BRINP3: variants seen among roughly 807,000 people sequenced by gnomAD.
BRINP3 encodes the protein BMP/retinoic acid inducible neural specific 3.
BRINP3 carries 19 observed loss-of-function variants against 71.0 expected under a neutral mutation model. The ratio of observed to expected loss-of-function variants is 0.27; its 90% CI spans 0.19 to 0.39. The LOEUF is 0.39. BRINP3 is among the 10% of genes least tolerant of loss of function. The pLI is 1.00. For synonymous variants in BRINP3, 380 were observed against 337.7 expected (o/e 1.13, Z -1.37); for missense variants, 959 against 940.8 (o/e 1.02, Z -0.25).
intron 6 of BRINP3, among the ~76,000 whole-genome samples, chr1:190,178,044 A>AT (rs573793670): frequency 1.2e-4 from 19 of 152,302 alleles, no homozygotes; most frequent in African/African-American, 4.3e-4. Context: ...ATATGCAAAT[A>AT]TTATGCCATT....
intron 2 of BRINP3, among the ~76,000 whole-genome samples, chr1:190,370,188 C>G (rs746281554): frequency 3.3e-5 from 5 of 152,102 alleles, no homozygotes; most frequent in Non-Finnish European, 7.4e-5. Context: ...TACACAAGCA[C>G]AATTTTGTAA....
chr1:190,239,504 T>C (rs552997255), intron 4 of BRINP3, among the ~76,000 whole-genome samples: 38 of 152,178 alleles, frequency 2.5e-4, no homozygotes, highest in Non-Finnish European at 4.9e-4. Context: ...CCTTTCGATA[T>C]AGAAATGAGG....
intron 6 of BRINP3, among the ~76,000 whole-genome samples, chr1:190,210,584 A>C (rs1488554925): frequency 6.6e-6 from 1 of 152,132 alleles, no homozygotes; most frequent in African/African-American, 2.4e-5. Flanking sequence ...CTTATTATGA[A>C]GACTATGGCA....
chr1:190,448,703 A>G (rs1182723041), intron 2 of BRINP3, among the ~76,000 whole-genome samples: 2 of 151,860 alleles, frequency 1.3e-5, no homozygotes, highest in African/African-American at 4.8e-5. Context: ...ATTCAAAGAA[A>G]TTTTTAAGTC....
At chr1:190,377,324 G>C (rs939630915) in intron 2 of BRINP3, among the ~76,000 whole-genome samples, 1 of 151,642 alleles carries the variant, frequency 6.6e-6, no homozygotes, top group African/African-American at 2.4e-5. Context: ...TTTTCCAGAC[G>C]GCAATAAAAC....
intron 1 of BRINP3, among the ~76,000 whole-genome samples, chr1:190,476,251 TAA>T (rs58413136): frequency 1.4e-5 from 2 of 142,226 alleles, no homozygotes; most frequent in South Asian, 2.2e-4. Context: ...TCCCAGAAAT[TAA>T]AAAAAAAAAA....
chr1:190,158,041 T>TTA (rs1657017145), intron 7 of BRINP3, among the ~76,000 whole-genome samples: 1 of 152,116 alleles, frequency 6.6e-6, no homozygotes, highest in African/African-American at 2.4e-5. Flanking sequence ...GTGTACTTAT[T>TTA]TATAAGTGGG....
intron 4 of BRINP3, among the ~76,000 whole-genome samples, chr1:190,262,913 A>G (rs553271469): frequency 2.6e-4 from 39 of 151,924 alleles, no homozygotes; most frequent in South Asian, 8.3e-4. Flanking sequence ...GTGTGTGTGT[A>G]TATATATATA....
chr1:190,334,819 T>A (rs1343252244), intron 2 of BRINP3, among the ~76,000 whole-genome samples: 2 of 151,706 alleles, frequency 1.3e-5, no homozygotes, highest in Non-Finnish European at 2.9e-5. Context: ...TGAACTGATA[T>A]TTGATTTCCT....
intron 2 of BRINP3, among the ~76,000 whole-genome samples, chr1:190,393,460 T>C (rs116374202): frequency 5.7e-4 from 86 of 151,698 alleles, no homozygotes; most frequent in African/African-American, 1.9e-3. Context: ...AAGCTTTTCA[T>C]CATACACATG....
intron 1 of BRINP3, among the ~76,000 whole-genome samples, chr1:190,468,643 T>C (rs1268335498): frequency 6.6e-6 from 1 of 151,188 alleles, no homozygotes; most frequent in East Asian, 1.9e-4. Context: ...TAAAGATAGC[T>C]ACACACTTAA....
intron 2 of BRINP3, among the ~76,000 whole-genome samples, chr1:190,344,003 G>T (rs563520104): frequency 3.4e-4 from 51 of 151,760 alleles, no homozygotes; most frequent in Middle Eastern, 3.4e-3. Context: ...ATCATGAGTA[G>T]ACCTAGTGCT....
At chr1:190,305,853 A>T (rs1413283541) in intron 2 of BRINP3, among the ~76,000 whole-genome samples, 1 of 151,886 alleles carries the variant, frequency 6.6e-6, no homozygotes, top group African/African-American at 2.4e-5. Context: ...AATTATCCTG[A>T]TTTGATCATT....
intron 2 of BRINP3, among the ~76,000 whole-genome samples, chr1:190,435,606 T>C (rs1463632929): frequency 6.6e-6 from 1 of 152,090 alleles, no homozygotes; most frequent in African/African-American, 2.4e-5. Flanking sequence ...ATGTATGTTT[T>C]TGTAAACTAA....
chr1:190,107,090 T>A (rs1290227507), intron 7 of BRINP3, among the ~76,000 whole-genome samples: 1 of 151,972 alleles, frequency 6.6e-6, no homozygotes, highest in South Asian at 2.1e-4. Context: ...AAATCTTGAA[T>A]GTAGTTTTTG....
chr1:190,472,577 T>A (rs1392701019), intron 1 of BRINP3, among the ~76,000 whole-genome samples: 1 of 151,732 alleles, frequency 6.6e-6, no homozygotes, highest in Non-Finnish European at 1.5e-5. Flanking sequence ...TGTTTCAGAC[T>A]CTTATTCTAG....
intron 2 of BRINP3, among the ~76,000 whole-genome samples, chr1:190,315,083 A>T (rs2103034866): frequency 6.6e-6 from 1 of 152,216 alleles, no homozygotes; most frequent in South Asian, 2.1e-4. Flanking sequence ...GGTAAACAAG[A>T]CTGAAGGGCA....
intron 1 of BRINP3, among the ~76,000 whole-genome samples, chr1:190,461,352 C>T (rs796226560): frequency 2.0e-5 from 3 of 152,298 alleles, no homozygotes; most frequent in Admixed American, 6.5e-5. Flanking sequence ...ATCTGCCTAA[C>T]ATTGACCTTA....
chr1:190,103,454 A>G (rs1395509277), intron 7 of BRINP3, among the ~76,000 whole-genome samples: 1 of 152,104 alleles, frequency 6.6e-6, no homozygotes, highest in African/African-American at 2.4e-5. Flanking sequence ...GATGTTAGGT[A>G]TGATTGGTGA....
Sources: allele counts gnomAD v4.1 joint callset (sites outside exome capture counted in the v4.1 genomes callset), GRCh38; gene constraint gnomAD v4.1.1; transcripts MANE v1.5; gene names NCBI Gene and HGNC (gene_info 2026-07-23, HGNC 2026-07-21).